ZNF516: variants seen among roughly 807,000 people sequenced by gnomAD.
ZNF516 encodes zinc finger protein 516.
In ZNF516, 19 loss-of-function variants were observed where a neutral mutation model predicts 79.7. The ratio of observed to expected loss-of-function variants is 0.24; its 90% CI spans 0.17 to 0.35. ZNF516 has a LOEUF of 0.35. Among genes scored for constraint, ZNF516 ranks in the 10% least tolerant of loss-of-function variants. ZNF516 has a pLI of 1.00. For synonymous variants in ZNF516, 877 were observed against 739.5 expected, an observed-to-expected ratio of 1.19 and a Z score of -3.02; for missense variants, 1,678 against 1,679.5, an observed-to-expected ratio of 1.00 and a Z score of 0.02.
At chr18:76,382,985 G>A (rs533731041) in intron 3 of ZNF516, among the ~76,000 whole-genome samples, 446 of 142,966 alleles carry the variant, frequency 3.1e-3, no homozygotes, top group Middle Eastern at 0.016. Context: ...GCAGTGAGCC[G>A]AGATGGCGCC....
rs1446422619 is a variant in ZNF516, at chr18:76,380,230, G to C, written c.1884C>G (p.His628Gln). The change falls in exon 4 of 7, where the codon CAC (histidine) becomes CAG (glutamine). Residue 628 changes from histidine to glutamine, a missense_variant. Coordinates refer to ENST00000443185, the MANE Select transcript of ZNF516 (RefSeq NM_014643.4). ...STELSSGDQS[H>Q]KMGDNASERD... ...TTTCCGAGGCGTTATCTCCCATCTT[G>C]TGACTCTGGTCTCCACTGGAGAGCT... 5 of 1,613,870 alleles carry C rather than the reference G, an allele frequency of 3.1e-6. No individual in the cohort carries two copies. The highest frequency in any genetic ancestry group is 3.4e-6 in the Non-Finnish European group (4 of 1,179,906).
chr18:76,431,865 C>G (rs891017842), intron 3 of ZNF516, among the ~76,000 whole-genome samples: 1 of 152,206 alleles, frequency 6.6e-6, no homozygotes, highest in African/African-American at 2.4e-5. Flanking sequence ...GCCCAAGTCT[C>G]GGGTATTCCT....
At chr18:76,481,936 C>T (rs1914545997) in intron 1 of ZNF516, among the ~76,000 whole-genome samples, 1 of 152,104 alleles carries the variant, frequency 6.6e-6, no homozygotes, top group Non-Finnish European at 1.5e-5. Context: ...TTTTTATGCC[C>T]TTGGCTTTTT....
rs143941808 is a variant in ZNF516, at chr18:76,362,052, C to A, written c.*446G>T. The A allele has an allele frequency of 3.8e-3, 602 of 156,722 alleles. No homozygotes were observed. The highest frequency in any genetic ancestry group is 0.014 in the African/African-American group (576 of 41,682). The allele number at this position is 156,722 out of a possible 1,614,324, so 9.7% of individuals were successfully genotyped here. ...ACGTCTTGTTCTGACATCATCCCCA[C>A]AGTCCCTCTTAACATGGGAGGCCCC... On this transcript the variant is annotated 3_prime_UTR_variant, in exon 7 of 7. Transcript: ENST00000443185.
At chr18:76,460,860 T>A (rs1913058113) in intron 2 of ZNF516, among the ~76,000 whole-genome samples, 1 of 152,166 alleles carries the variant, frequency 6.6e-6, no homozygotes. Flanking sequence ...TAACCCTTTG[T>A]TTTTCCAGAA....
chr18:76,483,201 C>T lies in ZNF516; in HGVS notation c.-272+11943G>A, dbSNP rs543658405. ...GAGAAGGCAGGCGGGGTGGAGACTCCTCCAGGAGGTGTTTAATAATCTGCA... is the reference window on the plus strand; with the variant it reads ...GAGAAGGCAGGCGGGGTGGAGACTCTTCCAGGAGGTGTTTAATAATCTGCA... On this transcript the variant is annotated intron_variant, in intron 1 of 6. Coordinates refer to ENST00000443185, the MANE Select transcript of ZNF516 (RefSeq NM_014643.4). Among the ~76,000 whole-genome samples the T allele has an allele frequency of 5.3e-5, 8 of 152,260 alleles. No homozygotes were observed. In the South Asian group the frequency reaches 8.3e-4, roughly 16 times the overall value.
chr18:76,428,458 T>C (rs544283807), intron 3 of ZNF516, among the ~76,000 whole-genome samples: 86 of 151,740 alleles, frequency 5.7e-4, no homozygotes, highest in Non-Finnish European at 1.5e-5. Flanking sequence ...GCATGTTTAC[T>C]GCAGCATGTT....
At chr18:76,395,165 A>G (rs2075127612) in intron 3 of ZNF516, among the ~76,000 whole-genome samples, 1 of 152,204 alleles carries the variant, frequency 6.6e-6, no homozygotes, top group South Asian at 2.1e-4. Context: ...TAAACACAAG[A>G]AAGGGAATTT....
At chr18:76,484,128 G>A (rs1458407054) in intron 1 of ZNF516, among the ~76,000 whole-genome samples, 1 of 152,184 alleles carries the variant, frequency 6.6e-6, no homozygotes, top group Non-Finnish European at 1.5e-5. Context: ...TTTCAGAGTG[G>A]ACTTTCACCT....
chr18:76,491,166 C>G lies in ZNF516; in HGVS notation c.-272+3978G>C, dbSNP rs976015524. 7.6e-5 allele frequency: 71 copies of G among 929,906 alleles called. No individual in the cohort carries two copies. In the African/African-American group the frequency reaches 1.2e-3, roughly 16 times the overall value. The allele number at this position is 929,906 out of a possible 1,614,324, so 57.6% of individuals were successfully genotyped here. A position where few individuals can be genotyped will look rare whatever the true frequency, so the allele number is the denominator to read the frequency against. ...AAATAGAAACCAATTACCTGGGCTC[C>G]GCCGCGCCTCGGCCCCCGGAGCCCG... On this transcript the variant is annotated intron_variant, in intron 1 of 6. Transcript: ENST00000443185.
chr18:76,441,400 G>C lies in ZNF516; in HGVS notation c.1655C>G (p.Ala552Gly), dbSNP rs766421575. 1 of 1,609,130 alleles carries C rather than the reference G, an allele frequency of 6.2e-7. No homozygotes were observed. Among genetic ancestry groups the C allele is most frequent in the Non-Finnish European group, 8.5e-7 (1 of 1,178,628 alleles). Residue 552 changes from alanine to glycine, a missense_variant, in exon 3 of 7, where the codon GCG (alanine) becomes GGG (glycine). Physicochemically the swap from Ala to Gly is moderately conservative, Grantham distance 60. This residue lies in a region of ZNF516 where 1,294 missense variants were observed against 1,248.3 expected (regional missense o/e 1.04). Transcript: ENST00000443185. ...ACTGAGTGATCCGCAGCGGGCCCGCGCCGCCCTGTCCCCGTCACTGTCCCT... is the reference window on the plus strand; with the variant it reads ...ACTGAGTGATCCGCAGCGGGCCCGCCCCGCCCTGTCCCCGTCACTGTCCCT... Reference protein sequence around the residue: ...RERDSDGDRAARARCGSLSEG... With the variant: ...RERDSDGDRAGRARCGSLSEG...
At chr18:76,425,933 C>G (rs1318558968) in intron 3 of ZNF516, among the ~76,000 whole-genome samples, 1 of 152,238 alleles carries the variant, frequency 6.6e-6, no homozygotes, top group Non-Finnish European at 1.5e-5. Context: ...AGGCAAACCC[C>G]CCAGCGCTGC....
Position 76,459,182 on chromosome 18 carries a change from G to A in ZNF516, c.-158+3846C>T, listed in dbSNP as rs964074669. On this transcript the variant is annotated intron_variant, in intron 2 of 6. Coordinates refer to ENST00000443185, the MANE Select transcript of ZNF516 (RefSeq NM_014643.4). The surrounding 1 kb of genome is among the most constrained non-coding windows in gnomAD (Gnocchi z 5.0). ...CCAGACGCTGCAGCAGTAACGGGGC[G>A]CCGGGCCCACCTGCTGCCCCTCTCC... 4.6e-5 allele frequency among the ~76,000 whole-genome samples: 7 copies of A among 152,196 alleles called. No individual in the cohort carries two copies. The South Asian group carries it at 1.0e-3, about 22-fold the overall frequency.
rs1490284405 is a variant in ZNF516 at position 76,360,644 on chromosome 18, AAAATATATATATAT to A, written c.*1840_*1853del. 4 of 101,662 alleles carry A rather than the reference AAAATATATATATAT, an allele frequency of 3.9e-5. No individual in the cohort carries two copies. The highest frequency in any genetic ancestry group is 8.4e-5 in the Non-Finnish European group (4 of 47,516). The allele number at this position is 101,662 out of a possible 1,614,324, so 6.3% of individuals were successfully genotyped here. A position where few individuals can be genotyped will look rare whatever the true frequency, so the allele number is the denominator to read the frequency against. On this transcript the variant is annotated 3_prime_UTR_variant, in exon 7 of 7. Coordinates refer to ENST00000443185, the MANE Select transcript of ZNF516 (RefSeq NM_014643.4). ...AGAAAAAAATAAGTAAAAAAAAAAA[AAAATATATATATAT>A]ATATATATATATATATATATAAGCT...
chr18:76,443,033 C>A lies in ZNF516; in HGVS notation c.22G>T (p.Glu8Ter). Reference protein sequence around the residue: MDRNREAEMELRRGPSPT... With the variant: MDRNREA ...CTGGGGCCTCGCCTCAGCTCCATCT[C>A]GGCCTCTCTGTTGCGATCCATCCGA... is the stretch of plus-strand genomic sequence containing the variant. The change falls in exon 3 of 7, where the codon GAG becomes TAG. Residue 8 changes from glutamate to a stop codon, truncating the protein, a stop_gained. Coordinates refer to ENST00000443185, the MANE Select transcript of ZNF516 (RefSeq NM_014643.4). LOFTEE classifies it high-confidence loss of function. 1 of 1,594,128 alleles carries A rather than the reference C, an allele frequency of 6.3e-7. No homozygotes were observed. Among genetic ancestry groups the A allele is most frequent in the Non-Finnish European group, 8.5e-7 (1 of 1,175,894 alleles).
intron 1 of ZNF516, chr18:76,488,048 A>G: frequency 1.0e-6 from 1 of 985,378 alleles, no homozygotes; most frequent in South Asian, 4.7e-5. Flanking sequence ...AGGCTTGTCC[A>G]CAGCCCCCAC....
At chr18:76,452,091 G>A (rs1912447897) in intron 2 of ZNF516, among the ~76,000 whole-genome samples, 1 of 152,138 alleles carries the variant, frequency 6.6e-6, no homozygotes, top group Non-Finnish European at 1.5e-5. Flanking sequence ...ACCAGAATCG[G>A]CAGCATTCAC....
intron 4 of ZNF516, among the ~76,000 whole-genome samples, chr18:76,374,779 T>C (rs1324640211): frequency 2.0e-5 from 3 of 152,136 alleles, no homozygotes; most frequent in Non-Finnish European, 4.4e-5. Flanking sequence ...CAATGACCAC[T>C]CACAGGGAAG....
intron 1 of ZNF516, chr18:76,490,197 A>G: frequency 1.0e-6 from 1 of 985,404 alleles, no homozygotes; most frequent in Non-Finnish European, 1.2e-6. Context: ...CACTCCTGTG[A>G]AATTAAAGAC....
Sources: gnomAD v4.1 joint callset for allele counts (sites outside exome capture counted in the v4.1 genomes callset) on GRCh38, gnomAD v4.1.1 for gene constraint, gnomAD v4.1.1 regional missense constraint, Gnocchi (gnomAD v3.1) non-coding constraint, MANE v1.5 for transcripts, NCBI Gene and HGNC (gene_info 2026-07-23, HGNC 2026-07-21) for gene names.